The following FGF14 variants were observed in gnomAD, a reference collection of about 807,000 sequenced individuals.
FGF14 encodes fibroblast growth factor 14, also known as fibroblast growth factor homologous factor 4.
FGF14 carries 5 observed loss-of-function variants against 25.5 expected under a neutral mutation model. The observed-to-expected ratio is 0.20, with a 90% CI of 0.10 to 0.41. The LOEUF (loss-of-function observed/expected upper bound fraction) is 0.41, where lower values mean the gene tolerates loss of function less well. FGF14 is among the 10% of genes least tolerant of loss of function. The probability of loss-of-function intolerance (pLI) is 1.00; values close to 1 mark genes in which losing one functional copy is unlikely to be tolerated. For synonymous variants in FGF14, 138 were observed against 118.3 expected (o/e 1.17, Z -1.08); for missense variants, 222 against 320.1 (o/e 0.69, Z 2.34).
At chr13:101,893,138 T>C (rs1474449250) in intron 1 of FGF14, among the ~76,000 whole-genome samples, 1 of 152,076 alleles carries the variant, frequency 6.6e-6, no homozygotes, top group African/African-American at 2.4e-5. Flanking sequence ...GGAGGCAGGA[T>C]GGTAGGATTT....
intron 1 of FGF14, among the ~76,000 whole-genome samples, chr13:102,059,059 G>GC (rs529207154): frequency 8.3e-4 from 127 of 152,192 alleles, no homozygotes; most frequent in Non-Finnish European, 1.4e-3. Flanking sequence ...AATTGAGACT[G>GC]GGGGCTGTAT....
chr13:102,033,538 C>T (rs944868862), intron 1 of FGF14, among the ~76,000 whole-genome samples: 5 of 152,066 alleles, frequency 3.3e-5, no homozygotes, highest in African/African-American at 9.7e-5. Flanking sequence ...TACTCAATGA[C>T]ACCATAAATT....
intron 4 of FGF14, among the ~76,000 whole-genome samples, chr13:101,724,096 A>G (rs1298230593): frequency 6.6e-6 from 1 of 152,064 alleles, no homozygotes; most frequent in African/African-American, 2.4e-5. Context: ...AGCAAAAGGA[A>G]CTAATGCGTA....
chr13:102,154,240 GA>G (rs1195299254), intron 1 of FGF14, among the ~76,000 whole-genome samples: 6 of 151,960 alleles, frequency 3.9e-5, no homozygotes, highest in African/African-American at 1.5e-4. Context: ...TGAAATGAAG[GA>G]AAAAATGTTA....
At chr13:102,106,535 A>T (rs535891990) in intron 1 of FGF14, among the ~76,000 whole-genome samples, 99 of 139,140 alleles carry the variant, frequency 7.1e-4, no homozygotes, top group African/African-American at 2.3e-3. Context: ...AGATCGCACC[A>T]TTGCACTCCA....
chr13:101,812,633 ATATATATATATATATATATATTTTTTTT>A (rs1807790158), intron 3 of FGF14, among the ~76,000 whole-genome samples: 2 of 9,860 alleles, frequency 2.0e-4, no homozygotes, highest in African/African-American at 6.5e-4. Context: ...ATATATATAT[ATATATATATATATATATATATTTTTTTT>A]TTTTTTTTTT....
rs1441632498 is a variant in FGF14 at position 101,713,053 on chromosome 13, G to A, written c.*9778C>T. On this transcript the variant is annotated 3_prime_UTR_variant, in exon 5 of 5. Coordinates refer to ENST00000376143, the MANE Select transcript of FGF14 (RefSeq NM_004115.4). ...CAATTATGCCATAGCTACGCAAGAA[G>A]TTAAAAAACACAATTGTCACAATCT... 6.6e-6 allele frequency: 1 copy of A among 152,210 alleles called. No individual in the cohort carries two copies. Among genetic ancestry groups the A allele is most frequent in the African/African-American group, 2.4e-5 (1 of 41,452 alleles). The allele number at this position is 152,210 out of a possible 1,614,324, so 9.4% of individuals were successfully genotyped here. A position where few individuals can be genotyped will look rare whatever the true frequency, so the allele number is the denominator to read the frequency against.
intron 1 of FGF14, among the ~76,000 whole-genome samples, chr13:102,085,349 T>TA (rs1418013304): frequency 5.9e-5 from 9 of 152,184 alleles, no homozygotes; most frequent in African/African-American, 2.2e-4. Context: ...AAAACAATCC[T>TA]AAAATGAAGA....
intron 1 of FGF14, among the ~76,000 whole-genome samples, chr13:101,998,711 G>A (rs2039320118): frequency 6.6e-6 from 1 of 152,198 alleles, no homozygotes; most frequent in African/African-American, 2.4e-5. Flanking sequence ...CCCCGTCGGT[G>A]TATGCATATG....
At chr13:102,310,656 T>TCC (rs2055688112) in intron 1 of FGF14, among the ~76,000 whole-genome samples, 1 of 42,248 alleles carries the variant, frequency 2.4e-5, no homozygotes, top group Non-Finnish European at 5.0e-5. Context: ...CCCGTTTCTC[T>TCC]CTCTCTCTCT....
chr13:101,815,009 C>T (rs2041770680), intron 3 of FGF14, among the ~76,000 whole-genome samples: 1 of 152,198 alleles, frequency 6.6e-6, no homozygotes, highest in Non-Finnish European at 1.5e-5. Flanking sequence ...ATTCTGGCAA[C>T]ATGTGTACCA....
intron 1 of FGF14, among the ~76,000 whole-genome samples, chr13:102,024,112 G>A (rs114201104): frequency 0.014 from 2,058 of 152,066 alleles, 44 homozygotes; most frequent in African/African-American, 0.047. Flanking sequence ...ACATGAACAT[G>A]TGTTTTTAAA....
At chr13:101,811,177 T>C (rs941026220) in intron 3 of FGF14, among the ~76,000 whole-genome samples, 11 of 152,204 alleles carry the variant, frequency 7.2e-5, no homozygotes, top group African/African-American at 2.6e-4. Context: ...TTCCATGGGT[T>C]TGGGAAAATG....
chr13:101,806,768 GTAT>G (rs1478275354), intron 3 of FGF14, among the ~76,000 whole-genome samples: 2 of 151,990 alleles, frequency 1.3e-5, no homozygotes, highest in African/African-American at 4.8e-5. Flanking sequence ...AACATTAACA[GTAT>G]TATTAATAGC....
At chr13:101,783,975 G>C (rs943805261) in intron 3 of FGF14, among the ~76,000 whole-genome samples, 2 of 152,058 alleles carry the variant, frequency 1.3e-5, no homozygotes, top group African/African-American at 4.8e-5. Flanking sequence ...TTGTTGTTAG[G>C]TTTGTCAAAG....
In FGF14 at chr13:101,885,372, A is replaced by G. The variant is rs1047080734; in HGVS notation, c.194-10076T>C. 3.3e-5 allele frequency among the ~76,000 whole-genome samples: 5 copies of G among 152,154 alleles called. No individual in the cohort carries two copies. In the East Asian group the frequency reaches 9.6e-4, roughly 29 times the overall value. ...TGGAGGGTGGGAGGGAGGAAGAGAA[A>G]GAGGCGAGGTGATTCAGAAACAGAT... is the stretch of plus-strand genomic sequence containing the variant. On this transcript the variant is annotated intron_variant, in intron 1 of 4. Transcript: ENST00000376143.
chr13:102,053,558 AT>A (rs2042305718), intron 1 of FGF14, among the ~76,000 whole-genome samples: 1 of 152,190 alleles, frequency 6.6e-6, no homozygotes. Flanking sequence ...ATGAAAATGT[AT>A]GGGGTATAGT....
intron 1 of FGF14, among the ~76,000 whole-genome samples, chr13:101,938,045 C>T (rs1044323862): frequency 1.3e-5 from 2 of 152,208 alleles, no homozygotes; most frequent in African/African-American, 4.8e-5. Context: ...ACCGAATAGA[C>T]AAGCAATGGC....
At chr13:102,291,044 AAG>A (rs939178488) in intron 1 of FGF14, among the ~76,000 whole-genome samples, 2 of 152,304 alleles carry the variant, frequency 1.3e-5, no homozygotes, top group African/African-American at 2.4e-5. Flanking sequence ...AATCAAAACA[AAG>A]AGAGAGTTAA....
Sources: allele counts gnomAD v4.1 joint callset (sites outside exome capture counted in the v4.1 genomes callset), GRCh38; gene constraint gnomAD v4.1.1; transcripts MANE v1.5; gene names NCBI Gene and HGNC (gene_info 2026-07-23, HGNC 2026-07-21).